AGBL4: variants seen among roughly 807,000 people sequenced by gnomAD.
AGBL4 encodes the protein cytosolic carboxypeptidase 6.
In AGBL4, 58 loss-of-function variants were observed where a neutral mutation model predicts 66.4. That is an observed-to-expected ratio of 0.87 (90% CI 0.71 to 1.09). The LOEUF (loss-of-function observed/expected upper bound fraction) is 1.09, where lower values mean the gene tolerates loss of function less well. AGBL4 is among the 50% of genes least tolerant of loss of function. The pLI is 0.00. For synonymous variants in AGBL4, 234 were observed against 222.9 expected, an observed-to-expected ratio of 1.05 and a Z score of -0.44; for missense variants, 579 against 631.0, an observed-to-expected ratio of 0.92 and a Z score of 0.88.
intron 3 of AGBL4, among the ~76,000 whole-genome samples, chr1:49,322,233 T>C (rs1490114474): frequency 6.6e-6 from 1 of 152,200 alleles, no homozygotes; most frequent in Admixed American, 6.5e-5. Flanking sequence ...AATTCCAAAA[T>C]AGTTTTTATA....
chr1:49,891,073 C>G (rs1394717726), intron 1 of AGBL4, among the ~76,000 whole-genome samples: 1 of 151,952 alleles, frequency 6.6e-6, no homozygotes, highest in African/African-American at 2.4e-5. Context: ...TTATTTGACC[C>G]CTGAGTTAAG....
chr1:49,444,054 T>C (rs1362358328), intron 3 of AGBL4, among the ~76,000 whole-genome samples: 2 of 152,134 alleles, frequency 1.3e-5, no homozygotes, highest in Admixed American at 1.3e-4. Flanking sequence ...AATTTCCATG[T>C]ATTTATATAA....
At chr1:48,723,716 C>A (rs1647185601) in intron 6 of AGBL4, among the ~76,000 whole-genome samples, 1 of 152,158 alleles carries the variant, frequency 6.6e-6, no homozygotes, top group Non-Finnish European at 1.5e-5. Context: ...AACAAGGGTG[C>A]TATTTTTCAC....
intron 4 of AGBL4, among the ~76,000 whole-genome samples, chr1:49,220,482 AT>A (rs527329695): frequency 1.9e-3 from 282 of 152,282 alleles, no homozygotes; most frequent in Middle Eastern, 3.4e-3. Flanking sequence ...TATAGAAAAG[AT>A]TTGATTATAA....
At chr1:49,718,145 G>A (rs1487876973) in intron 2 of AGBL4, among the ~76,000 whole-genome samples, 2 of 152,166 alleles carry the variant, frequency 1.3e-5, no homozygotes, top group East Asian at 3.9e-4. Context: ...TAGAGGTGGG[G>A]AGAGGTAGGA....
At chr1:49,831,713 A>G (rs1271462728) in intron 2 of AGBL4, among the ~76,000 whole-genome samples, 1 of 152,110 alleles carries the variant, frequency 6.6e-6, no homozygotes, top group East Asian at 1.9e-4. Flanking sequence ...TTCTTCCAGC[A>G]TTTGCCCATT....
At chr1:49,220,369 C>T (rs1290851987) in intron 4 of AGBL4, among the ~76,000 whole-genome samples, 1 of 152,088 alleles carries the variant, frequency 6.6e-6, no homozygotes, top group African/African-American at 2.4e-5. Flanking sequence ...GCTTTGAATC[C>T]TGGCTATGCC....
chr1:48,920,072 C>T (rs1653956162), intron 5 of AGBL4, among the ~76,000 whole-genome samples: 1 of 152,160 alleles, frequency 6.6e-6, no homozygotes, highest in South Asian at 2.1e-4. Context: ...AAGGGGCAGA[C>T]TCTTGGCTGA....
chr1:49,163,509 C>A (rs1051623275), intron 4 of AGBL4, among the ~76,000 whole-genome samples: 2 of 152,138 alleles, frequency 1.3e-5, no homozygotes, highest in Admixed American at 1.3e-4. Context: ...ATATTGTTAG[C>A]GTATGTTTAC....
At chr1:49,841,865 C>A in intron 2 of AGBL4, 1 of 568,646 alleles carries the variant, frequency 1.8e-6, no homozygotes, top group Non-Finnish European at 3.2e-6. Flanking sequence ...GCAGGGGCAG[C>A]CATTCCTGCC....
intron 4 of AGBL4, among the ~76,000 whole-genome samples, chr1:49,090,011 C>A (rs1240933328): frequency 8.5e-5 from 13 of 152,126 alleles, no homozygotes; most frequent in Non-Finnish European, 1.5e-4. Flanking sequence ...TCAATAGATG[C>A]AGAAAAAGCT....
At chr1:48,655,603 C>T (rs1646007870) in intron 7 of AGBL4, among the ~76,000 whole-genome samples, 1 of 152,172 alleles carries the variant, frequency 6.6e-6, no homozygotes, top group Admixed American at 6.5e-5. Flanking sequence ...TATCAGAGAT[C>T]CTGTGTTAGC....
chr1:48,941,154 T>C (rs1334450962), intron 5 of AGBL4, among the ~76,000 whole-genome samples: 2 of 152,172 alleles, frequency 1.3e-5, no homozygotes, highest in Non-Finnish European at 2.9e-5. Context: ...CAGTGGTGGC[T>C]CCTAGTATAG....
At chr1:49,673,813 A>T (rs1646527489) in intron 3 of AGBL4, among the ~76,000 whole-genome samples, 1 of 151,994 alleles carries the variant, frequency 6.6e-6, no homozygotes, top group East Asian at 1.9e-4. Flanking sequence ...TAAACAAATA[A>T]TCACAATCTA....
chr1:49,298,995 A>G (rs1644694810), intron 3 of AGBL4, among the ~76,000 whole-genome samples: 2 of 152,184 alleles, frequency 1.3e-5, no homozygotes, highest in Non-Finnish European at 2.9e-5. Context: ...AAAGACAAAC[A>G]ATGGATACAA....
intron 2 of AGBL4, among the ~76,000 whole-genome samples, chr1:49,731,136 TACAAGTTGTTGGCTCTTCTACTGAAG>T (rs1649413169): frequency 6.6e-6 from 1 of 152,186 alleles, no homozygotes; most frequent in Non-Finnish European, 1.5e-5. Flanking sequence ...TCTGCCTAGT[TACAAGTTGTTGGCTCTTCTACTGAAG>T]ACCAAAGCTC....
intron 5 of AGBL4, among the ~76,000 whole-genome samples, chr1:48,947,352 G>A (rs541577495): frequency 2.6e-5 from 4 of 152,268 alleles, no homozygotes; most frequent in Middle Eastern, 3.4e-3. Flanking sequence ...GTTTTATCTC[G>A]AACAGTGCAT....
chr1:49,458,432 C>T (rs1646437765), intron 3 of AGBL4, among the ~76,000 whole-genome samples: 1 of 151,616 alleles, frequency 6.6e-6, no homozygotes, highest in South Asian at 2.1e-4. Flanking sequence ...ATTCATTTAT[C>T]AGGTCTAGGT....
At chr1:49,874,577 G>T (rs1646927087) in intron 1 of AGBL4, among the ~76,000 whole-genome samples, 1 of 151,988 alleles carries the variant, frequency 6.6e-6, no homozygotes, top group Non-Finnish European at 1.5e-5. Context: ...ATTGAAAAAA[G>T]TAGAATTACC....
Sources: gnomAD v4.1 joint callset for allele counts (sites outside exome capture counted in the v4.1 genomes callset) on GRCh38, gnomAD v4.1.1 for gene constraint, MANE v1.5 for transcripts, NCBI Gene and HGNC (gene_info 2026-07-23, HGNC 2026-07-21) for gene names.